The following CUL1 variants were observed in gnomAD, a reference collection of about 807,000 sequenced individuals.
The protein encoded by CUL1 is cullin-1.
Under a neutral mutation model 118.0 loss-of-function variants are expected in CUL1, and 24 were observed. That is an observed-to-expected ratio of 0.20 (90% CI 0.15 to 0.29). The LOEUF is 0.29. Among genes scored for constraint, CUL1 ranks in the 10% least tolerant of loss-of-function variants. The pLI, the probability that CUL1 is intolerant of heterozygous loss-of-function variation, is 1.00. For synonymous variants in CUL1, 332 were observed against 340.4 expected (o/e 0.98, Z 0.27); for missense variants, 361 against 933.8 (o/e 0.39, Z 7.99).
At chr7:148,753,607 T>C (rs1001154309) in intron 2 of CUL1, among the ~76,000 whole-genome samples, 16 of 152,228 alleles carry the variant, frequency 1.1e-4, no homozygotes, top group African/African-American at 3.9e-4. Flanking sequence ...AGACAGTGCT[T>C]ATTGTTAGCT....
chr7:148,795,548 C>T (rs912589893), intron 17 of CUL1, among the ~76,000 whole-genome samples: 4 of 152,102 alleles, frequency 2.6e-5, no homozygotes, highest in African/African-American at 9.6e-5. Context: ...GGGCGGATCA[C>T]GAGGTCAGGA....
chr7:148,728,264 CT>C (rs879883242), intron 1 of CUL1, among the ~76,000 whole-genome samples: 85 of 146,382 alleles, frequency 5.8e-4, no homozygotes, highest in East Asian at 7.9e-4. Flanking sequence ...CAGAGTAGAA[CT>C]TTTTTTTTTT....
At chr7:148,751,226 C>T (rs1799480847) in intron 2 of CUL1, among the ~76,000 whole-genome samples, 1 of 152,022 alleles carries the variant, frequency 6.6e-6, no homozygotes, top group Non-Finnish European at 1.5e-5. Flanking sequence ...GCCAGGGCAA[C>T]ATAGCAAGAC....
intron 9 of CUL1, chr7:148,783,303 G>A: frequency 1.0e-6 from 1 of 984,400 alleles, no homozygotes; most frequent in Non-Finnish European, 1.2e-6. Flanking sequence ...GCGGATCCGC[G>A]CCTCTGGTTT....
At chr7:148,757,593 AC>A (rs767403127) in intron 4 of CUL1, among the ~76,000 whole-genome samples, 9 of 151,854 alleles carry the variant, frequency 5.9e-5, no homozygotes, top group Non-Finnish European at 1.3e-4. Context: ...TTACTAAATC[AC>A]CCTCAGTAAT....
Position 148,787,156 on chromosome 7 carries a change from T to C in CUL1, c.1479+36T>C, listed in dbSNP as rs371508111. 6.2e-7 allele frequency: 1 copy of C among 1,609,030 alleles called. No individual in the cohort carries two copies. The highest frequency in any genetic ancestry group is 2.2e-5 in the East Asian group (1 of 44,760). On this transcript the variant is annotated intron_variant, in intron 13 of 21. Transcript: ENST00000325222. This position sits in a 1 kb window ranked among gnomAD's most constrained non-coding sequence, Gnocchi z 5.5. ...TCTTTTCCTGAAAAATCCCAGCTTC[T>C]GAGTCATTATTAAAACAGCTCTATG...
In CUL1 at chr7:148,800,398, G is replaced by T. The variant is rs982770326; in HGVS notation, c.2251-104G>T. 2.9e-5 allele frequency: 26 copies of T among 891,290 alleles called. No homozygotes were observed. The highest frequency in any genetic ancestry group is 4.0e-5 in the Non-Finnish European group (22 of 553,046). 55.2% of individuals were successfully genotyped at this position (891,290 alleles called of 1,614,324 possible). Reference sequence around the variant, plus strand: ...GGGACACTGCTCCCCACTGAGCTCCGAATCAGGGGAGATTTGTGGTGGGGG... The same window carrying T: ...GGGACACTGCTCCCCACTGAGCTCCTAATCAGGGGAGATTTGTGGTGGGGG... On this transcript the variant is annotated intron_variant, in intron 21 of 21. Transcript: ENST00000325222. The surrounding 1 kb of genome is among the most constrained non-coding windows in gnomAD (Gnocchi z 4.6).
At chr7:148,764,090 A>C (rs1799927474) in intron 7 of CUL1, among the ~76,000 whole-genome samples, 1 of 152,208 alleles carries the variant, frequency 6.6e-6, no homozygotes, top group African/African-American at 2.4e-5. Context: ...GTAGGTTTCT[A>C]ATGTCATTTT....
chr7:148,786,939 T>C, intron 12 of CUL1, 50 bp from the exon 13 acceptor site: 1 of 1,588,966 alleles, frequency 6.3e-7, no homozygotes, highest in Non-Finnish European at 8.5e-7. Context: ...CTCTGCACTG[T>C]TGGCTTGTGT....
intron 1 of CUL1, among the ~76,000 whole-genome samples, chr7:148,699,540 G>A (rs1285067667): frequency 1.3e-5 from 2 of 152,182 alleles, no homozygotes; most frequent in East Asian, 3.9e-4. Context: ...GTTCCCCTGT[G>A]AGCTCTGGGC....
At chr7:148,699,847 C>T (rs1237984435) in intron 1 of CUL1, among the ~76,000 whole-genome samples, 1 of 152,058 alleles carries the variant, frequency 6.6e-6, no homozygotes, top group African/African-American at 2.4e-5. Context: ...CGCCCTGACC[C>T]TGAGGGTAGC....
intron 1 of CUL1, among the ~76,000 whole-genome samples, chr7:148,710,345 G>A (rs1798011193): frequency 6.6e-6 from 1 of 152,040 alleles, no homozygotes; most frequent in Non-Finnish European, 1.5e-5. Flanking sequence ...CAAGGCGAGC[G>A]GATCACCTGA....
At chr7:148,731,664 T>G (rs1453356322) in intron 2 of CUL1, among the ~76,000 whole-genome samples, 2 of 152,180 alleles carry the variant, frequency 1.3e-5, no homozygotes, top group Non-Finnish European at 2.9e-5. Flanking sequence ...AACGACACCT[T>G]GTACCCATTA....
At chr7:148,723,653 A>G (rs7803803) in intron 1 of CUL1, among the ~76,000 whole-genome samples, 6,879 of 133,822 alleles carry the variant, frequency 0.051, 564 homozygotes, top group African/African-American at 0.19. Context: ...AATAGAATAT[A>G]TGACTCACCA....
intron 1 of CUL1, among the ~76,000 whole-genome samples, chr7:148,721,082 T>G (rs1333365277): frequency 1.3e-5 from 2 of 152,232 alleles, no homozygotes; most frequent in Non-Finnish European, 2.9e-5. Context: ...TTCAAGAATT[T>G]CTGAGCTTGA....
intron 17 of CUL1, among the ~76,000 whole-genome samples, chr7:148,795,165 T>G (rs1425870360): frequency 6.6e-6 from 1 of 151,168 alleles, no homozygotes; most frequent in Non-Finnish European, 1.5e-5. Context: ...TTTTTCTGTT[T>G]TTTTGAGACA....
chr7:148,720,618 C>T lies in CUL1; in HGVS notation c.-161-9344C>T, dbSNP rs139935677. Among the ~76,000 whole-genome samples, 50 of 152,262 alleles carry T rather than the reference C, an allele frequency of 3.3e-4. 1 individual carries two copies. The Middle Eastern group carries it at 0.01, about 31-fold the overall frequency. The stretch of plus-strand genomic sequence containing the variant: ...CAGTTAGTAGAGAGGGTGGTGCTTT[C>T]GTAACTCCTAGGATTCCAAGCTGGG... On this transcript the variant is annotated intron_variant, in intron 1 of 21. Transcript: ENST00000325222.
At chr7:148,767,592 CA>C in intron 8 of CUL1, 26 bp from the exon 9 acceptor site, 1 of 1,610,532 alleles carries the variant, frequency 6.2e-7, no homozygotes, top group Non-Finnish European at 8.5e-7. Flanking sequence ...TTTTTCAGTG[CA>C]TAAAAGGGGT....
rs1041764341 is a variant in CUL1, at chr7:148,714,310, G to T, written c.-162+15281G>T. Among the ~76,000 whole-genome samples, 8 of 152,268 alleles carry T rather than the reference G, an allele frequency of 5.3e-5. No homozygotes were observed. The East Asian group carries it at 1.5e-3, about 29-fold the overall frequency. On this transcript the variant is annotated intron_variant, in intron 1 of 21. Coordinates refer to ENST00000325222, the MANE Select transcript of CUL1 (RefSeq NM_003592.3). ...CATACTTAACATTTTTTTGTGGTAA[G>T]AACTTTTAAGATGTACTATAAGCAG...
Sources: gnomAD v4.1 joint callset for allele counts (sites outside exome capture counted in the v4.1 genomes callset) on GRCh38, gnomAD v4.1.1 for gene constraint, Gnocchi (gnomAD v3.1) non-coding constraint, MANE v1.5 for transcripts, NCBI Gene and HGNC (gene_info 2026-07-23, HGNC 2026-07-21) for gene names.